The following DOCK11 variants were observed in gnomAD, a reference collection of about 807,000 sequenced individuals.
The protein encoded by DOCK11 is dedicator of cytokinesis protein 11.
Under a neutral mutation model 169.1 loss-of-function variants are expected in DOCK11, and 70 were observed. The observed-to-expected ratio is 0.41, with a 90% CI of 0.34 to 0.51. The LOEUF (loss-of-function observed/expected upper bound fraction) is 0.51. Ranked by LOEUF, DOCK11 falls within the 20% of genes least tolerant of loss-of-function variation. DOCK11 has a pLI of 0.10. For synonymous variants in DOCK11, 529 were observed against 541.3 expected (o/e 0.98, Z 0.32); for missense variants, 1,166 against 1,538.8 (o/e 0.76, Z 4.05).
rs756003262 is a variant in DOCK11 at position 118,566,035 on chromosome X, C to T, written c.724C>T (p.Leu242Phe). ...CPKMRRHAFELKMLDKYSHYL... is the reference protein window; with the variant it reads ...CPKMRRHAFEFKMLDKYSHYL... Reference sequence around the variant, plus strand: ...CAAAATGCGCCGTCATGCTTTTGAACTCAAGATGTTAGATAAATATAGCCA... The same window carrying T: ...CAAAATGCGCCGTCATGCTTTTGAATTCAAGATGTTAGATAAATATAGCCA... The change falls in exon 8 of 53, where the codon CTC (leucine) becomes TTC (phenylalanine). Residue 242 changes from leucine (L) to phenylalanine (F), a missense_variant. Leu to Phe is a conservative substitution (Grantham distance 22). Coordinates refer to ENST00000276202, the MANE Select transcript of DOCK11 (RefSeq NM_144658.4). 1.2e-5 allele frequency: 14 copies of T among 1,209,377 alleles called. No individual in the cohort carries two copies. In the South Asian group the frequency reaches 2.5e-4, roughly 21 times the overall value.
chrX:118,639,306 A>G (rs910745288), intron 37 of DOCK11, 129 bp from the exon 38 acceptor site: 1 of 602,859 alleles, frequency 1.7e-6, no homozygotes, highest in Non-Finnish European at 2.5e-6. Flanking sequence ...GTTTCTAGTG[A>G]CACTTCATTT....
chrX:118,563,256 T>C (rs760801849), intron 7 of DOCK11, among the ~76,000 whole-genome samples: 2 of 111,875 alleles, frequency 1.8e-5, no homozygotes, highest in Admixed American at 9.5e-5. Flanking sequence ...CTGTATACTC[T>C]ATCAAACAAG....
In DOCK11 at chrX:118,636,323, CACTT is replaced by C. The variant is rs1449524980; in HGVS notation, c.3887-22_3887-19del. ...TTGCTGTAATTATTTCAAGATCTAA[CACTT>C]TATTTATTCCATTTTCAGATACTCT... On this transcript the variant is annotated intron_variant, in intron 35 of 52. Transcript: ENST00000276202. The C allele has an allele frequency of 1.4e-5, 14 of 1,016,564 alleles. No homozygotes were observed. The highest frequency in any genetic ancestry group is 1.9e-5 in the African/African-American group (1 of 52,326). 83.8% of individuals were successfully genotyped at this position (1,016,564 alleles called of 1,213,427 possible).
At chrX:118,666,830 A>G (rs1383142486) in intron 45 of DOCK11, among the ~76,000 whole-genome samples, 1 of 111,915 alleles carries the variant, frequency 8.9e-6, no homozygotes, top group Non-Finnish European at 1.9e-5. Flanking sequence ...ACTGTTTGCC[A>G]GTAGTAGATG....
At position 118,676,623 on chromosome X, in the gene DOCK11, C is replaced by T. The variant is rs1226603307; in HGVS notation, c.5346C>T (p.Tyr1782=). ...SFFEEEDGKE[Y]IYKEPKLTGL... The stretch of plus-strand genomic sequence containing the variant: ...TTGAAGAAGAAGATGGAAAGGAGTA[C>T]ATCTATAAAGAACCAAAGCTCACTG... Residue 1782 remains tyrosine, a synonymous_variant, in exon 48 of 53, where the codon TAC becomes TAT. Coordinates refer to ENST00000276202, the MANE Select transcript of DOCK11 (RefSeq NM_144658.4). 1.7e-6 allele frequency: 2 copies of T among 1,190,696 alleles called. No homozygotes were observed. The highest frequency in any genetic ancestry group is 1.9e-5 in the South Asian group (1 of 54,014).
intron 6 of DOCK11, among the ~76,000 whole-genome samples, chrX:118,548,902 C>T (rs1337106374): frequency 1.8e-5 from 2 of 111,706 alleles, no homozygotes; most frequent in South Asian, 3.7e-4. Context: ...GTTTCTTATC[C>T]CTGAGCTTGG....
intron 30 of DOCK11, among the ~76,000 whole-genome samples, chrX:118,618,271 T>A (rs887357769): frequency 2.7e-5 from 3 of 111,873 alleles, no homozygotes; most frequent in Non-Finnish European, 5.6e-5. Context: ...CTAAGATTTC[T>A]ATGAGTTTAA....
At chrX:118,516,782 G>A (rs912929093) in intron 1 of DOCK11, among the ~76,000 whole-genome samples, 8 of 111,753 alleles carry the variant, frequency 7.2e-5, no homozygotes, top group African/African-American at 2.6e-4. Flanking sequence ...TTATGAAATG[G>A]CATGCAAAGT....
At chrX:118,654,070 G>A (rs5957037) in intron 42 of DOCK11, among the ~76,000 whole-genome samples, 15,759 of 111,866 alleles carry the variant, frequency 0.14, 886 homozygotes, top group Non-Finnish European at 0.17. Context: ...TATCAGAATG[G>A]AAGAGTGGCC....
intron 1 of DOCK11, among the ~76,000 whole-genome samples, chrX:118,541,696 G>A (rs1322682643): frequency 3.6e-5 from 4 of 111,974 alleles, no homozygotes; most frequent in Admixed American, 1.9e-4. Context: ...TACAGAAAGC[G>A]CTTAGCACAG....
At position 118,648,181 on chromosome X, in the gene DOCK11, AAT is replaced by A. The variant is rs1184748232; in HGVS notation, c.4399-758_4399-757del. ...ATAATATAATATATAATATAATAGT[AAT>A]ATATAATAATATAATATATAATATT... On this transcript the variant is annotated intron_variant, in intron 40 of 52. Transcript: ENST00000276202. Among the ~76,000 whole-genome samples the A allele has an allele frequency of 6.7e-5, 5 of 74,317 alleles. No individual in the cohort carries two copies. In the East Asian group the frequency reaches 1.8e-3, roughly 26 times the overall value. The allele number at this position is 74,317 out of a possible 115,157, so 64.5% of individuals were successfully genotyped here.
intron 44 of DOCK11, among the ~76,000 whole-genome samples, chrX:118,657,567 T>A (rs926810211): frequency 1.3e-4 from 15 of 111,990 alleles, no homozygotes; most frequent in African/African-American, 4.9e-4. Context: ...AAAATAGTGG[T>A]AGTAGTAAAA....
intron 19 of DOCK11, among the ~76,000 whole-genome samples, chrX:118,591,051 A>G (rs982866321): frequency 8.9e-6 from 1 of 111,978 alleles, no homozygotes; most frequent in African/African-American, 3.2e-5. Context: ...ATATGTCTCT[A>G]TGGAACCTGG....
At chrX:118,600,476 ACTT>A (rs1316298763) in intron 23 of DOCK11, among the ~76,000 whole-genome samples, 5 of 110,431 alleles carry the variant, frequency 4.5e-5, no homozygotes, top group Non-Finnish European at 7.6e-5. Context: ...TTCATGCCAC[ACTT>A]ATTTCTTTAG....
chrX:118,678,491 T>G (rs12862919), intron 48 of DOCK11, among the ~76,000 whole-genome samples: 36,303 of 109,615 alleles, frequency 0.33, 4,746 homozygotes, highest in African/African-American at 0.47. Flanking sequence ...TATTTTTTTT[T>G]AGACAGAGTC....
At chrX:118,514,021 C>A (rs147270205) in intron 1 of DOCK11, among the ~76,000 whole-genome samples, 6 of 111,583 alleles carry the variant, frequency 5.4e-5, no homozygotes, top group African/African-American at 2.0e-4. Flanking sequence ...CCATAATCCC[C>A]ACGTCAATGG....
chrX:118,557,363 AG>A (rs2147368299), intron 6 of DOCK11, among the ~76,000 whole-genome samples: 1 of 111,583 alleles, frequency 9.0e-6, no homozygotes, highest in South Asian at 3.8e-4. Flanking sequence ...TAGTGAGGAA[AG>A]AGGATTCTAG....
intron 1 of DOCK11, among the ~76,000 whole-genome samples, chrX:118,532,771 ACT>A (rs2011627413): frequency 1.3e-5 from 1 of 79,024 alleles, no homozygotes; most frequent in Non-Finnish European, 2.4e-5. Flanking sequence ...ACAGAGCGAG[ACT>A]CTGTCTCAAA....
At chrX:118,549,721 T>TTTTG (rs199862662) in intron 6 of DOCK11, among the ~76,000 whole-genome samples, 5 of 108,144 alleles carry the variant, frequency 4.6e-5, no homozygotes, top group South Asian at 4.0e-4. Context: ...GCCCAGCTAA[T>TTTTG]TTTGTTTGTT....
Sources: allele counts gnomAD v4.1 joint callset (sites outside exome capture counted in the v4.1 genomes callset), GRCh38; gene constraint gnomAD v4.1.1; transcripts MANE v1.5; gene names NCBI Gene and HGNC (gene_info 2026-07-23, HGNC 2026-07-21).